PYGL: variants seen among roughly 807,000 people sequenced by gnomAD.
PYGL encodes the protein glycogen phosphorylase L.
PYGL carries 90 observed loss-of-function variants against 100.1 expected under a neutral mutation model. The observed-to-expected ratio is 0.90, with a 90% CI of 0.76 to 1.07. PYGL has a LOEUF of 1.07. PYGL is among the 50% of genes least tolerant of loss of function. The pLI is 0.00. For synonymous variants in PYGL, 373 were observed against 393.0 expected, an observed-to-expected ratio of 0.95 and a Z score of 0.60; for missense variants, 1,016 against 1,057.6, an observed-to-expected ratio of 0.96 and a Z score of 0.55.
chr14:50,919,990 G>GTTT (rs374308213), intron 7 of PYGL, among the ~76,000 whole-genome samples: 39 of 144,242 alleles, frequency 2.7e-4, no homozygotes, highest in African/African-American at 8.3e-4. Flanking sequence ...GGCCCCAAGT[G>GTTT]TTTTTTTTTT....
At chr14:50,936,679 C>A (rs1396302241) in intron 2 of PYGL, among the ~76,000 whole-genome samples, 1 of 151,986 alleles carries the variant, frequency 6.6e-6, no homozygotes, top group Non-Finnish European at 1.5e-5. Context: ...CAAGGTGGTG[C>A]ATGCCTGTAA....
Position 50,935,162 on chromosome 14 carries a change from T to C in PYGL, c.369A>G (p.Leu123=), listed in dbSNP as rs778625321. The part of the protein sequence containing the change: ...IYQLGLDIEE[L]EEIEEDAGLG... ...GTCCAGCATCTTCTTCAATTTCTTC[T>C]AACTCTTCTATATCCAATCCAAGCT... is the stretch of plus-strand genomic sequence containing the variant. The change falls in exon 3 of 20, where the codon TTA becomes TTG. Residue 123 remains leucine, a synonymous_variant. Coordinates refer to ENST00000216392, the MANE Select transcript of PYGL (RefSeq NM_002863.5). 3.3e-5 allele frequency: 53 copies of C among 1,612,452 alleles called. No homozygotes were observed. Among genetic ancestry groups the C allele is most frequent in the Admixed American group, 5.0e-5 (3 of 60,000 alleles).
intron 9 of PYGL, among the ~76,000 whole-genome samples, 160 bp downstream of exon 9, chr14:50,916,482 C>T (rs149797031): frequency 9.2e-5 from 14 of 152,294 alleles, no homozygotes; most frequent in Middle Eastern, 6.8e-3. Flanking sequence ...CTATAAAACT[C>T]TAAGGATGGA....
intron 3 of PYGL, among the ~76,000 whole-genome samples, chr14:50,933,401 GA>G (rs1397060508): frequency 3.3e-5 from 5 of 152,102 alleles, no homozygotes; most frequent in African/African-American, 9.7e-5. Context: ...TACTAAGGAT[GA>G]AAAAAATGAA....
At chr14:50,943,022 G>T (rs2050715034) in intron 1 of PYGL, among the ~76,000 whole-genome samples, 1 of 152,134 alleles carries the variant, frequency 6.6e-6, no homozygotes, top group African/African-American at 2.4e-5. Context: ...CTTACTATGA[G>T]AATTTACATT....
rs1052498549 is a variant in PYGL, at chr14:50,919,457, A to G, written c.855+1084T>C. Among the ~76,000 whole-genome samples the G allele has an allele frequency of 6.6e-5, 10 of 152,334 alleles. No homozygotes were observed. In the East Asian group the frequency reaches 1.9e-3, roughly 29 times the overall value. The stretch of plus-strand genomic sequence containing the variant: ...ATTTAACACCAGGTGGACATCTGGT[A>G]TTAAGGACTATTTATGTCCTAGTCC... On this transcript the variant is annotated intron_variant, in intron 7 of 19. Coordinates refer to ENST00000216392, the MANE Select transcript of PYGL (RefSeq NM_002863.5).
chr14:50,940,979 T>A (rs2050697315), intron 1 of PYGL, among the ~76,000 whole-genome samples: 1 of 151,858 alleles, frequency 6.6e-6, no homozygotes, highest in African/African-American at 2.4e-5. Context: ...AGAGTGGGGA[T>A]TGGTTTGTTG....
At chr14:50,942,797 C>A (rs1435201488) in intron 1 of PYGL, among the ~76,000 whole-genome samples, 1 of 94,512 alleles carries the variant, frequency 1.1e-5, no homozygotes, top group East Asian at 6.7e-4. Flanking sequence ...CTTCATTCAG[C>A]CTGGGCGAGA....
Position 50,914,801 on chromosome 14 carries a change from C to T in PYGL, c.1418G>A (p.Ser473Asn). Residue 473 changes from serine to asparagine, a missense_variant, in exon 12 of 20, where the codon AGT (serine) becomes AAT (asparagine). Coordinates refer to ENST00000216392, the MANE Select transcript of PYGL (RefSeq NM_002863.5). The part of the protein sequence containing the change: ...IVKTKVFKDF[S>N]ELEPDKFQNK... The stretch of plus-strand genomic sequence containing the variant: ...CTGAAACTTGTCAGGTTCTAGCTCA[C>T]TGAAGTCCTTGAATCTGGAGATGGA... 1 of 1,613,528 alleles carries T rather than the reference C, an allele frequency of 6.2e-7. No individual in the cohort carries two copies. The highest frequency in any genetic ancestry group is 8.5e-7 in the Non-Finnish European group (1 of 1,179,520).
intron 12 of PYGL, among the ~76,000 whole-genome samples, chr14:50,914,313 A>G (rs935761908): frequency 6.6e-6 from 1 of 152,170 alleles, no homozygotes; most frequent in Admixed American, 6.5e-5. Context: ...CCTGGCCAAC[A>G]TGGTAAAACC....
intron 18 of PYGL, 68 bp downstream of exon 18, chr14:50,908,753 G>T: frequency 6.6e-7 from 1 of 1,514,860 alleles, no homozygotes; most frequent in Non-Finnish European, 9.1e-7. Flanking sequence ...TTTTAGAGTT[G>T]GTTGGTTTAA....
In PYGL at chr14:50,910,033, A is replaced by G. The variant is rs1851475309; in HGVS notation, c.2039T>C (p.Met680Thr). 1.9e-6 allele frequency: 3 copies of G among 1,614,122 alleles called. No individual in the cohort carries two copies. Among genetic ancestry groups the G allele is most frequent in the South Asian group, 2.2e-5 (2 of 91,074 alleles). ...TAGGGCCCCATTTAGCATGAACTTCATATTGCCTGTCCCCGAGGCTTCGGT... is the reference window on the plus strand; with the variant it reads ...TAGGGCCCCATTTAGCATGAACTTCGTATTGCCTGTCCCCGAGGCTTCGGT... ...AGTEASGTGNMKFMLNGALTI... is the reference protein window; with the variant it reads ...AGTEASGTGNTKFMLNGALTI... Residue 680 changes from methionine to threonine, a missense_variant, in exon 17 of 20, where the codon ATG becomes ACG. Met to Thr is a moderately conservative substitution (Grantham distance 81). Transcript: ENST00000216392.
At chr14:50,908,111 TTG>T in intron 19 of PYGL, 158 bp downstream of exon 19, 3 of 574,790 alleles carry the variant, frequency 5.2e-6, no homozygotes, top group Non-Finnish European at 6.0e-6. Flanking sequence ...GTTTTTTTTT[TTG>T]TTGTGGTTGT....
intron 1 of PYGL, among the ~76,000 whole-genome samples, chr14:50,943,844 A>C (rs751187630): frequency 2.0e-5 from 3 of 152,334 alleles, no homozygotes; most frequent in Non-Finnish European, 2.9e-5. Flanking sequence ...CAAAGTTCCA[A>C]AAAAGTTTGT....
At position 50,905,498 on chromosome 14, in the gene PYGL, G is replaced by C; in HGVS notation, c.2438C>G (p.Ser813Cys). 6.2e-7 allele frequency: 1 copy of C among 1,613,934 alleles called. No homozygotes were observed. Among genetic ancestry groups the C allele is most frequent in the East Asian group, 2.2e-5 (1 of 44,872 alleles). Residue 813 changes from serine (S) to cysteine (C), a missense_variant, in exon 20 of 20, where the codon TCC (serine) becomes TGC (cysteine). Transcript: ENST00000216392. ...ATATTCTTTAATTGTTCGGTCACTGGAGAATTTCCCCGAGGCAGCTATGTT... is the reference window on the plus strand; with the variant it reads ...ATATTCTTTAATTGTTCGGTCACTGCAGAATTTCCCCGAGGCAGCTATGTT... ...LKNIAASGKF[S>C]SDRTIKEYAQ...
At chr14:50,937,635 A>C in intron 2 of PYGL, 101 bp downstream of exon 2, 1 of 1,163,132 alleles carries the variant, frequency 8.6e-7, no homozygotes, top group Non-Finnish European at 1.3e-6. Context: ...GCGATTTTTC[A>C]CTCTTATTTT....
At position 50,944,216 on chromosome 14, in the gene PYGL, T is replaced by A; in HGVS notation, c.188A>T (p.His63Leu). Residue 63 changes from histidine (H) to leucine (L), a missense_variant, in exon 1 of 20, where the codon CAC becomes CTC. Coordinates refer to ENST00000216392, the MANE Select transcript of PYGL (RefSeq NM_002863.5). ...YFALAHTVRD[H>L]LVGRWIRTQQ... is the part of the protein sequence containing the mutation. ...CGTGCGGATCCAGCGCCCCACCAGG[T>A]GGTCGCGCACCGTGTGCGCCAGCGC... The A allele has an allele frequency of 6.2e-7, 1 of 1,612,490 alleles. No homozygotes were observed. The highest frequency in any genetic ancestry group is 8.5e-7 in the Non-Finnish European group (1 of 1,179,824).
At chr14:50,913,641 TG>T (rs1037586802) in intron 12 of PYGL, among the ~76,000 whole-genome samples, 5 of 152,164 alleles carry the variant, frequency 3.3e-5, no homozygotes, top group African/African-American at 1.2e-4. Flanking sequence ...CCCAAAGTGC[TG>T]GGATTACACG....
intron 1 of PYGL, among the ~76,000 whole-genome samples, chr14:50,938,750 A>C (rs992283002): frequency 2.0e-5 from 3 of 152,192 alleles, no homozygotes; most frequent in African/African-American, 7.2e-5. Flanking sequence ...AAGCAAACTC[A>C]TCTAAGTAGA....
Sources: gnomAD v4.1 joint callset for allele counts (sites outside exome capture counted in the v4.1 genomes callset) on GRCh38, gnomAD v4.1.1 for gene constraint, MANE v1.5 for transcripts, NCBI Gene and HGNC (gene_info 2026-07-23, HGNC 2026-07-21) for gene names.